The following PACRG variants were observed in gnomAD, a reference collection of about 807,000 sequenced individuals.
PACRG encodes parkin coregulated gene protein.
Under a neutral mutation model 29.7 loss-of-function variants are expected in PACRG, and 29 were observed. The observed-to-expected ratio is 0.98, with a 90% CI of 0.73 to 1.33. The LOEUF (loss-of-function observed/expected upper bound fraction) is 1.33, where lower values mean the gene tolerates loss of function less well. PACRG is among the 40% of genes most tolerant of loss of function. PACRG has a pLI of 0.00. For synonymous variants in PACRG, 116 were observed against 118.7 expected (o/e 0.98, Z 0.15); for missense variants, 279 against 316.2 (o/e 0.88, Z 0.89).
intron 4 of PACRG, among the ~76,000 whole-genome samples, chr6:163,209,681 A>G (rs895155824): frequency 5.9e-5 from 9 of 152,226 alleles, no homozygotes; most frequent in Non-Finnish European, 1.3e-4. Flanking sequence ...GCATACATCA[A>G]CCTAGTTAAT....
intron 2 of PACRG, among the ~76,000 whole-genome samples, chr6:163,039,248 G>C (rs545623487): frequency 6.6e-6 from 1 of 152,246 alleles, no homozygotes; most frequent in African/African-American, 2.4e-5. Flanking sequence ...CACCATGATT[G>C]TAAGTTTCCT....
chr6:163,133,094 G>C (rs898025612), intron 4 of PACRG, among the ~76,000 whole-genome samples: 6 of 152,154 alleles, frequency 3.9e-5, no homozygotes, highest in Non-Finnish European at 5.9e-5. Flanking sequence ...GGCCAGTATT[G>C]GTCAGGTGCA....
intron 2 of PACRG, among the ~76,000 whole-genome samples, chr6:162,824,739 G>A (rs1788136500): frequency 6.6e-6 from 1 of 152,184 alleles, no homozygotes; most frequent in South Asian, 2.1e-4. Context: ...AAGACATGGT[G>A]CTGAGCTCTG....
At chr6:163,097,531 G>A (rs57189172) in intron 4 of PACRG, among the ~76,000 whole-genome samples, 8,854 of 152,274 alleles carry the variant, frequency 0.058, 798 homozygotes, top group African/African-American at 0.19. Flanking sequence ...CCATGACCCA[G>A]GGCACAGTCT....
intron 2 of PACRG, among the ~76,000 whole-genome samples, chr6:162,954,085 G>C (rs778524936): frequency 3.3e-5 from 5 of 152,096 alleles, no homozygotes; most frequent in Non-Finnish European, 7.4e-5. Flanking sequence ...TGTTTTGCCT[G>C]TGGATAGGCT....
intron 3 of PACRG, among the ~76,000 whole-genome samples, chr6:163,078,141 A>G (rs1046010695): frequency 1.3e-5 from 2 of 152,052 alleles, no homozygotes; most frequent in Non-Finnish European, 2.9e-5. Flanking sequence ...CAAAATTCCA[A>G]CTCTACCGCA....
At chr6:162,961,542 A>C (rs59803348) in intron 2 of PACRG, among the ~76,000 whole-genome samples, 23,701 of 152,066 alleles carry the variant, frequency 0.16, 3,245 homozygotes, top group African/African-American at 0.36. Flanking sequence ...AAACGCAACT[A>C]ATCTAGTACC....
intron 1 of PACRG, among the ~76,000 whole-genome samples, chr6:162,797,353 G>A (rs1262722023): frequency 6.6e-6 from 1 of 152,170 alleles, no homozygotes; most frequent in Non-Finnish European, 1.5e-5. Flanking sequence ...CACTTTTCCT[G>A]GAAATATATA....
chr6:163,226,998 C>T (rs1480314824), intron 4 of PACRG, among the ~76,000 whole-genome samples: 4 of 151,852 alleles, frequency 2.6e-5, no homozygotes, highest in African/African-American at 7.3e-5. Flanking sequence ...GATGATGGTA[C>T]GTTAAAAAAA....
At chr6:163,230,867 G>A (rs973639360) in intron 4 of PACRG, among the ~76,000 whole-genome samples, 7 of 112,736 alleles carry the variant, frequency 6.2e-5, no homozygotes, top group South Asian at 6.2e-4. Flanking sequence ...ATTAGGCCTC[G>A]AAGGACAGTA....
intron 4 of PACRG, among the ~76,000 whole-genome samples, chr6:163,135,866 AT>A (rs369505259): frequency 1.1e-4 from 16 of 152,182 alleles, no homozygotes; most frequent in African/African-American, 3.9e-4. Context: ...TTAAATTTGC[AT>A]TTTTCCCAAT....
At chr6:162,769,555 A>G (rs750547628) in intron 1 of PACRG, among the ~76,000 whole-genome samples, 3 of 151,842 alleles carry the variant, frequency 2.0e-5, no homozygotes, top group Admixed American at 6.6e-5. Context: ...AGTATTTTCT[A>G]CTCCAAAGTA....
chr6:163,008,192 T>C (rs1403575637), intron 2 of PACRG, among the ~76,000 whole-genome samples: 1 of 152,090 alleles, frequency 6.6e-6, no homozygotes, highest in Non-Finnish European at 1.5e-5. Context: ...ACACTCATGC[T>C]CACTCTCTCT....
intron 3 of PACRG, among the ~76,000 whole-genome samples, chr6:163,067,062 C>T (rs1190356284): frequency 6.6e-6 from 1 of 152,176 alleles, no homozygotes; most frequent in African/African-American, 2.4e-5. Context: ...TAAAAAGATC[C>T]CTGTCCTTCC....
intron 4 of PACRG, among the ~76,000 whole-genome samples, chr6:163,133,979 A>G (rs1016075272): frequency 1.3e-5 from 2 of 152,246 alleles, no homozygotes; most frequent in African/African-American, 2.4e-5. Flanking sequence ...ATATGTGCAT[A>G]TACACTTTGT....
chr6:163,144,298 C>T (rs1347026090), intron 4 of PACRG, among the ~76,000 whole-genome samples: 1 of 151,102 alleles, frequency 6.6e-6, no homozygotes, highest in African/African-American at 2.4e-5. Flanking sequence ...CTCACTCCAT[C>T]AGTTTAAAAA....
chr6:162,867,590 T>A (rs981917691), intron 2 of PACRG, among the ~76,000 whole-genome samples: 3 of 152,202 alleles, frequency 2.0e-5, no homozygotes, highest in African/African-American at 7.2e-5. Flanking sequence ...CATCTTTGCC[T>A]TATTAAAATG....
chr6:163,102,382 A>G (rs1477706923), intron 4 of PACRG, among the ~76,000 whole-genome samples: 3 of 152,164 alleles, frequency 2.0e-5, no homozygotes, highest in Non-Finnish European at 2.9e-5. Context: ...ACAGTGAAGA[A>G]CTGCAATCCA....
chr6:163,086,832 G>A (rs1813604606), intron 3 of PACRG, among the ~76,000 whole-genome samples: 2 of 152,048 alleles, frequency 1.3e-5, no homozygotes, highest in South Asian at 2.1e-4. Flanking sequence ...TGGAAAATAA[G>A]GTATCATTTA....
Sources: gnomAD v4.1 joint callset for allele counts (sites outside exome capture counted in the v4.1 genomes callset) on GRCh38, gnomAD v4.1.1 for gene constraint, MANE v1.5 for transcripts, NCBI Gene and HGNC (gene_info 2026-07-23, HGNC 2026-07-21) for gene names.